Variants in ZNF320 observed in about 807,000 individuals in gnomAD.
The protein encoded by ZNF320 is zinc finger gene 320.
A neutral mutation model predicts 6.8 loss-of-function variants in ZNF320; 2 were observed. The ratio of observed to expected loss-of-function variants is 0.29; its 90% CI spans 0.12 to 0.93. The LOEUF is 0.93. ZNF320 is among the 40% of genes least tolerant of loss of function. ZNF320 has a pLI of 0.55. For missense variants in ZNF320, 472 were observed against 611.0 expected (o/e 0.77, Z 2.40); for synonymous variants, 208 against 203.2 (o/e 1.02, Z -0.20).
intron 2 of ZNF320, among the ~76,000 whole-genome samples, chr19:52,893,219 A>G (rs1018531207): frequency 5.3e-5 from 8 of 152,118 alleles, no homozygotes; most frequent in Non-Finnish European, 1.0e-4. Flanking sequence ...TGGGCAGGGA[A>G]GAACACCTTG....
chr19:52,893,144 C>A (rs553803207), intron 2 of ZNF320, among the ~76,000 whole-genome samples: 16 of 152,048 alleles, frequency 1.1e-4, no homozygotes, highest in African/African-American at 3.9e-4. Context: ...CCCTTTGGCC[C>A]ACACAATCAC....
rs1258585800 is a variant in ZNF320 at position 52,881,568 on chromosome 19, C to T, written c.558G>A (p.Glu186=). The T allele has an allele frequency of 1.2e-6, 2 of 1,614,004 alleles. No homozygotes were observed. ...LEIHRIIHTG[E]KPYKCKVCDK... is the part of the protein sequence containing the mutation. Reference sequence around the variant, plus strand: ...CGCAAACCTTACATTTGTATGGTTTCTCTCCAGTATGAATTATCCTATGTA... The same window carrying T: ...CGCAAACCTTACATTTGTATGGTTTTTCTCCAGTATGAATTATCCTATGTA... Residue 186 remains glutamate (E), a synonymous_variant, in exon 6 of 6, where the codon GAG becomes GAA. Coordinates refer to ENST00000682928, the MANE Select transcript of ZNF320 (RefSeq NM_001351774.2).
At position 52,891,341 on chromosome 19, in the gene ZNF320, G is replaced by A. The variant is rs1226575729; in HGVS notation, c.-186C>T. 1 of 151,100 alleles carries A rather than the reference G, an allele frequency of 6.6e-6. No homozygotes were observed. The highest frequency in any genetic ancestry group is 6.6e-5 in the Admixed American group (1 of 15,124). The allele number at this position is 151,100 out of a possible 1,614,324, so 9.4% of individuals were successfully genotyped here. On this transcript the variant is annotated 5_prime_UTR_variant, in exon 3 of 6. Coordinates refer to ENST00000682928, the MANE Select transcript of ZNF320 (RefSeq NM_001351774.2). The stretch of plus-strand genomic sequence containing the variant: ...GCACTCACAGCCTGAAGGACAGAGT[G>A]AGACTCTGTTTGAGGAAGAGAAAAA...
rs2063774904 is a variant in ZNF320 at position 52,876,656 on chromosome 19, C to G, written c.*3940G>C. ...GGGATTACAGGCACTCGCCACCACA[C>G]CAGGCTAATTTCTATATTTTGGTCA... On this transcript the variant is annotated 3_prime_UTR_variant, in exon 6 of 6. Coordinates refer to ENST00000682928, the MANE Select transcript of ZNF320 (RefSeq NM_001351774.2). 6.6e-6 allele frequency: 1 copy of G among 152,174 alleles called. No individual in the cohort carries two copies. Among genetic ancestry groups the G allele is most frequent in the Non-Finnish European group, 1.5e-5 (1 of 68,046 alleles). 9.4% of individuals were successfully genotyped at this position (152,174 alleles called of 1,614,324 possible).
intron 5 of ZNF320, among the ~76,000 whole-genome samples, chr19:52,865,988 TATATG>T (rs2063556386): frequency 9.0e-6 from 1 of 111,206 alleles, no homozygotes; most frequent in South Asian, 2.6e-4. Flanking sequence ...TATATTTATA[TATATG>T]ATTATACATA....
chr19:52,900,178 C>T (rs1600670536), upstream of ZNF320, among the ~76,000 whole-genome samples: 1 of 152,104 alleles, frequency 6.6e-6, no homozygotes, highest in Non-Finnish European at 1.5e-5. Flanking sequence ...GGTGGAATTC[C>T]GGGTGGGCCT....
In ZNF320 at chr19:52,879,026, A is replaced by C. The variant is rs1231226352; in HGVS notation, c.*1570T>G. 1 of 152,180 alleles carries C rather than the reference A, an allele frequency of 6.6e-6. No homozygotes were observed. Among genetic ancestry groups the C allele is most frequent in the African/African-American group, 2.4e-5 (1 of 41,448 alleles). 9.4% of individuals were successfully genotyped at this position (152,180 alleles called of 1,614,324 possible). A position where few individuals can be genotyped will look rare whatever the true frequency, so the allele number is the denominator to read the frequency against. On this transcript the variant is annotated 3_prime_UTR_variant, in exon 6 of 6. Coordinates refer to ENST00000682928, the MANE Select transcript of ZNF320 (RefSeq NM_001351774.2). ...TGTTTCTTCTTGTTTCAGTTTTAGC[A>C]GAATTTACATTGCCTTGATTGAGTC...
chr19:52,902,752 TA>T, the ZNF320 span, among the ~76,000 whole-genome samples: 1 of 152,228 alleles, frequency 6.6e-6, no homozygotes, highest in East Asian at 1.9e-4. Context: ...CATATTTATC[TA>T]ATTTTTCATG....
intron 5 of ZNF320, among the ~76,000 whole-genome samples, chr19:52,866,940 T>C (rs933479873): frequency 2.0e-5 from 3 of 150,636 alleles, no homozygotes; most frequent in Non-Finnish European, 2.9e-5. Context: ...ATGTCACGAC[T>C]ACAGTTAAAT....
intron 5 of ZNF320, among the ~76,000 whole-genome samples, chr19:52,882,706 G>A (rs1020739742): frequency 1.8e-4 from 28 of 152,166 alleles, no homozygotes; most frequent in Non-Finnish European, 8.8e-5. Flanking sequence ...ACTTTGGAAG[G>A]CGGAGGCAGG....
intron 3 of ZNF320, among the ~76,000 whole-genome samples, chr19:52,890,826 C>T (rs1274068442): frequency 6.6e-6 from 1 of 151,868 alleles, no homozygotes; most frequent in Non-Finnish European, 1.5e-5. Flanking sequence ...ACCAGCCTGG[C>T]CAACATGGTG....
intron 4 of ZNF320, among the ~76,000 whole-genome samples, chr19:52,888,730 C>A (rs1047277958): frequency 6.6e-6 from 1 of 151,900 alleles, no homozygotes; most frequent in African/African-American, 2.4e-5. Context: ...TGAAAAAAAA[C>A]TAGATGTTAA....
chr19:52,890,448 C>A, intron 3 of ZNF320, 120 bp from the exon 4 acceptor site: 1 of 821,274 alleles, frequency 1.2e-6, no homozygotes, highest in Non-Finnish European at 1.8e-6. Flanking sequence ...CTGCCCACTG[C>A]CCCAGGGATG....
intron 5 of ZNF320, among the ~76,000 whole-genome samples, chr19:52,868,852 G>A (rs959974073): frequency 7.2e-5 from 11 of 152,250 alleles, no homozygotes; most frequent in African/African-American, 1.9e-4. Context: ...GAGTCATGAT[G>A]CCCTGCACAC....
At chr19:52,864,013 T>TGGA (rs755119768) in exon 6 of ZNF320, 1 of 484,092 alleles carries the variant, frequency 2.1e-6, no homozygotes, top group East Asian at 6.3e-5. Flanking sequence ...TCTTCATGTC[T>TGGA]GGAGGAACAT....
At chr19:52,863,225 ATG>A (rs751590180) in exon 6 of ZNF320, among the ~76,000 whole-genome samples, 5 of 152,204 alleles carry the variant, frequency 3.3e-5, no homozygotes, top group Non-Finnish European at 7.3e-5. Flanking sequence ...ATAGAAGTAT[ATG>A]TATTTCTATG....
chr19:52,867,648 G>A (rs1214008903), intron 5 of ZNF320, among the ~76,000 whole-genome samples: 1 of 150,358 alleles, frequency 6.7e-6, no homozygotes, highest in African/African-American at 2.4e-5. Flanking sequence ...TTTCACTCTT[G>A]TTGCCCCTGC....
chr19:52,861,322 C>T (rs1231170281), exon 6 of ZNF320, among the ~76,000 whole-genome samples: 2 of 152,036 alleles, frequency 1.3e-5, no homozygotes, highest in African/African-American at 4.8e-5. Flanking sequence ...GACGTTTGTA[C>T]CTTGAAATCC....
chr19:52,884,783 G>A (rs972820654), intron 5 of ZNF320, among the ~76,000 whole-genome samples: 8 of 152,176 alleles, frequency 5.3e-5, no homozygotes, highest in Admixed American at 5.2e-4. Flanking sequence ...TGAAATGACA[G>A]AGAAAGGAAC....
Sources: allele counts gnomAD v4.1 joint callset (sites outside exome capture counted in the v4.1 genomes callset), GRCh38; gene constraint gnomAD v4.1.1; transcripts MANE v1.5; gene names NCBI Gene and HGNC (gene_info 2026-07-23, HGNC 2026-07-21).